PRKD3: variants seen among roughly 807,000 people sequenced by gnomAD.
PRKD3 encodes the protein protein kinase D3.
Under a neutral mutation model 99.2 loss-of-function variants are expected in PRKD3, and 47 were observed. That is an observed-to-expected ratio of 0.47 (90% CI 0.38 to 0.60). The LOEUF (loss-of-function observed/expected upper bound fraction) is 0.60. PRKD3 is among the 20% of genes least tolerant of loss of function. The probability of loss-of-function intolerance (pLI) is 0.00; values close to 1 mark genes in which losing one functional copy is unlikely to be tolerated. For missense variants in PRKD3, 1,019 were observed against 1,088.4 expected, an observed-to-expected ratio of 0.94 and a Z score of 0.90; for synonymous variants, 392 against 355.4, an observed-to-expected ratio of 1.10 and a Z score of -1.16.
chr2:37,290,118 T>A (rs78741807), intron 4 of PRKD3, among the ~76,000 whole-genome samples: 3,395 of 152,324 alleles, frequency 0.022, 56 homozygotes, highest in Middle Eastern at 0.054. Context: ...ACAGAAAAAG[T>A]TGATTGACCC....
At chr2:37,270,564 T>G (rs960599738) in intron 12 of PRKD3, among the ~76,000 whole-genome samples, 4 of 152,176 alleles carry the variant, frequency 2.6e-5, no homozygotes, top group African/African-American at 9.7e-5. Flanking sequence ...TTTGGGATGT[T>G]TACTGTCAAA....
At position 37,316,564 on chromosome 2, in the gene PRKD3, T is replaced by C; in HGVS notation, c.-40A>G. On this transcript the variant is annotated 5_prime_UTR_variant, in exon 2 of 19. Coordinates refer to ENST00000234179, the MANE Select transcript of PRKD3 (RefSeq NM_005813.6). ...TCTTTTAAAATAGTTGTCGATTCTT[T>C]TTCAATGGTTATGAAGAGGTTTTTA... 6.3e-7 allele frequency: 1 copy of C among 1,583,552 alleles called. No individual in the cohort carries two copies. The highest frequency in any genetic ancestry group is 8.6e-7 in the Non-Finnish European group (1 of 1,166,370).
intron 2 of PRKD3, among the ~76,000 whole-genome samples, chr2:37,307,768 G>A (rs1477055): frequency 0.2 from 30,368 of 152,110 alleles, 3,985 homozygotes; most frequent in East Asian, 0.55. Context: ...CTCCACCCTT[G>A]GGGTGTGTAA....
At chr2:37,321,254 T>C (rs1323440493) in intron 1 of PRKD3, among the ~76,000 whole-genome samples, 2 of 152,186 alleles carry the variant, frequency 1.3e-5, no homozygotes, top group African/African-American at 4.8e-5. Context: ...ACTTGTCAAA[T>C]ATTCTTTTGG....
At chr2:37,287,943 A>G (rs986928565) in intron 5 of PRKD3, among the ~76,000 whole-genome samples, 11 of 152,332 alleles carry the variant, frequency 7.2e-5, no homozygotes, top group Non-Finnish European at 7.4e-5. Context: ...GACTAAAGTA[A>G]ACCCTGAAAG....
intron 2 of PRKD3, among the ~76,000 whole-genome samples, chr2:37,302,624 T>G (rs1670987051): frequency 1.3e-5 from 2 of 152,250 alleles, no homozygotes; most frequent in South Asian, 4.1e-4. Context: ...GGTAGGAAGC[T>G]TCCAAGTTAT....
intron 11 of PRKD3, 122 bp from the exon 12 acceptor site, chr2:37,272,554 A>G: frequency 7.9e-7 from 1 of 1,263,140 alleles, no homozygotes; most frequent in Non-Finnish European, 1.1e-6. Flanking sequence ...ACAATTATGT[A>G]CATTAACAAA....
rs1380291535 is a variant in PRKD3 at position 37,290,853 on chromosome 2, T to G, written c.559+15A>C. 1.3e-6 allele frequency: 2 copies of G among 1,564,222 alleles called. No homozygotes were observed. The highest frequency in any genetic ancestry group is 1.7e-6 in the Non-Finnish European group (2 of 1,156,226). On this transcript the variant is annotated intron_variant, in intron 4 of 18. Transcript: ENST00000234179. ...ATCTTATTTCAAATGACCACAAAAA[T>G]TTTAGAACACACACCTTCACATTTC...
At chr2:37,279,599 C>T (rs947662373) in intron 8 of PRKD3, 147 bp downstream of exon 8, 2 of 467,798 alleles carry the variant, frequency 4.3e-6, no homozygotes, top group Non-Finnish European at 7.1e-6. Context: ...TTCAGAAATA[C>T]TACATTGCAT....
At chr2:37,281,659 T>C (rs937412205) in intron 7 of PRKD3, among the ~76,000 whole-genome samples, 3 of 152,184 alleles carry the variant, frequency 2.0e-5, no homozygotes, top group African/African-American at 7.2e-5. Flanking sequence ...ACTTCTGTTG[T>C]TTATATGCTA....
intron 1 of PRKD3, among the ~76,000 whole-genome samples, chr2:37,322,433 T>C (rs1006620700): frequency 6.6e-6 from 1 of 152,192 alleles, no homozygotes; most frequent in East Asian, 1.9e-4. Flanking sequence ...CCAGTGACAG[T>C]TGAATCTCAG....
chr2:37,307,232 G>A (rs1671207169), intron 2 of PRKD3, among the ~76,000 whole-genome samples: 1 of 152,182 alleles, frequency 6.6e-6, no homozygotes, highest in Non-Finnish European at 1.5e-5. Flanking sequence ...ATCAGATACT[G>A]AGACTATAAC....
intron 14 of PRKD3, among the ~76,000 whole-genome samples, chr2:37,264,977 C>T (rs1431201239): frequency 6.6e-6 from 1 of 152,032 alleles, no homozygotes; most frequent in African/African-American, 2.4e-5. Context: ...CTCCTTGCCA[C>T]CGGAAAGGCC....
chr2:37,291,266 A>G (rs1200300406), intron 3 of PRKD3, among the ~76,000 whole-genome samples: 1 of 152,238 alleles, frequency 6.6e-6, no homozygotes, highest in Non-Finnish European at 1.5e-5. Flanking sequence ...CAAGATTACA[A>G]ACAGACATTA....
At chr2:37,321,659 A>G (rs1003754017) in intron 1 of PRKD3, among the ~76,000 whole-genome samples, 6 of 152,246 alleles carry the variant, frequency 3.9e-5, no homozygotes, top group African/African-American at 7.2e-5. Context: ...TCTGAAATTC[A>G]AAGTGTGATG....
intron 14 of PRKD3, among the ~76,000 whole-genome samples, chr2:37,265,629 T>A (rs751817744): frequency 3.9e-5 from 6 of 152,114 alleles, no homozygotes; most frequent in African/African-American, 1.4e-4. Flanking sequence ...GAAAAAGTAC[T>A]TAAGTATAAA....
rs143406429 is a variant in PRKD3 at position 37,317,154 on chromosome 2, C to T, written c.-630G>A. 8.0e-4 allele frequency: 787 copies of T among 984,480 alleles called. 18 individuals carry two copies. In the Admixed American group the frequency reaches 0.025, roughly 31 times the overall value. 61.0% of individuals were successfully genotyped at this position (984,480 alleles called of 1,614,324 possible). A position where few individuals can be genotyped will look rare whatever the true frequency, so the allele number is the denominator to read the frequency against. ...AGATGAATGGGTCCATCGAGAAAAG[C>T]TGATGCTTTCTGACATATAGTTAGC... On this transcript the variant is annotated 5_prime_UTR_variant, in exon 2 of 19. Coordinates refer to ENST00000234179, the MANE Select transcript of PRKD3 (RefSeq NM_005813.6).
At chr2:37,275,414 G>A (rs1431602105) in intron 10 of PRKD3, among the ~76,000 whole-genome samples, 2 of 152,194 alleles carry the variant, frequency 1.3e-5, no homozygotes, top group Non-Finnish European at 2.9e-5. Context: ...AAGGTGGAAG[G>A]TGGGAGAAAT....
At chr2:37,284,939 C>A (rs1356291815) in intron 6 of PRKD3, among the ~76,000 whole-genome samples, 1 of 152,112 alleles carries the variant, frequency 6.6e-6, no homozygotes, top group Non-Finnish European at 1.5e-5. Context: ...CTATCCCTCC[C>A]CCCTCAGAAA....
Sources: gnomAD v4.1 joint callset for allele counts (sites outside exome capture counted in the v4.1 genomes callset) on GRCh38, gnomAD v4.1.1 for gene constraint, MANE v1.5 for transcripts, NCBI Gene and HGNC (gene_info 2026-07-23, HGNC 2026-07-21) for gene names.